CCDC97: variants seen among roughly 807,000 people sequenced by gnomAD.
The protein encoded by CCDC97 is coiled-coil domain containing 97.
A neutral mutation model predicts 33.9 loss-of-function variants in CCDC97; 27 were observed. The ratio of observed to expected loss-of-function variants is 0.80; its 90% CI spans 0.59 to 1.10. The LOEUF is 1.10. CCDC97 is among the 50% of genes least tolerant of loss of function. The pLI is 0.00. For missense variants in CCDC97, 422 were observed against 476.6 expected (o/e 0.89, Z 1.07); for synonymous variants, 217 against 194.0 (o/e 1.12, Z -0.99).
At position 41,319,630 on chromosome 19, in the gene CCDC97, C is replaced by T. The variant is rs545573919; in HGVS notation, c.559C>T (p.Gln187Ter). ...MRFRAPLLYE[Q>*]YIGQYLTQEE... Reference sequence around the variant, plus strand: ...GTTCCGGGCCCCCCTGCTATATGAGCAGTACATCGGGCAGTATCTCACCCA... The same window carrying T: ...GTTCCGGGCCCCCCTGCTATATGAGTAGTACATCGGGCAGTATCTCACCCA... The change falls in exon 3 of 5, where the codon CAG becomes TAG. Residue 187 changes from glutamine to a stop codon, truncating the protein, a stop_gained. Coordinates refer to ENST00000269967, the MANE Select transcript of CCDC97 (RefSeq NM_052848.3). LOFTEE classifies it high-confidence loss of function. 6.2e-7 allele frequency: 1 copy of T among 1,613,886 alleles called. No individual in the cohort carries two copies. The highest frequency in any genetic ancestry group is 1.3e-5 in the African/African-American group (1 of 75,040).
At position 41,319,624 on chromosome 19, in the gene CCDC97, T is replaced by C; in HGVS notation, c.553T>C (p.Tyr185His). ...EQMRFRAPLL[Y>H]EQYIGQYLTQ... ...GATGCGGTTCCGGGCCCCCCTGCTA[T>C]ATGAGCAGTACATCGGGCAGTATCT... Residue 185 changes from tyrosine to histidine, a missense_variant, in exon 3 of 5, where the codon TAT (tyrosine) becomes CAT (histidine). Transcript: ENST00000269967. The C allele has an allele frequency of 1.2e-6, 2 of 1,613,610 alleles. No homozygotes were observed. Among genetic ancestry groups the C allele is most frequent in the East Asian group, 2.2e-5 (1 of 44,870 alleles).
chr19:41,315,892 G>A (rs1459332236), intron 1 of CCDC97, among the ~76,000 whole-genome samples: 1 of 152,086 alleles, frequency 6.6e-6, no homozygotes, highest in Admixed American at 6.5e-5. Context: ...CCTGGAGTTC[G>A]AGACCAGCCT....
At chr19:41,317,710 C>CA (rs1225911815) in intron 2 of CCDC97, among the ~76,000 whole-genome samples, 6,657 of 67,336 alleles carry the variant, frequency 0.099, 559 homozygotes, top group African/African-American at 0.27. Flanking sequence ...GATCTTGTCT[C>CA]AAAAAAAAAA....
At chr19:41,320,303 G>C (rs201237530) in intron 3 of CCDC97, 38 bp from the exon 4 acceptor site, 425 of 1,611,404 alleles carry the variant, frequency 2.6e-4, no homozygotes, top group Non-Finnish European at 3.2e-4. Context: ...CTGCCCGAGT[G>C]CACCCGCATT....
chr19:41,320,258 G>C lies in CCDC97; in HGVS notation c.782-83G>C, dbSNP rs2037806212. On this transcript the variant is annotated intron_variant, in intron 3 of 4. Coordinates refer to ENST00000269967, the MANE Select transcript of CCDC97 (RefSeq NM_052848.3). ...CCACCCAGCGCAAGGCTGGGCACAG[G>C]AGCAGCAGCTCTCTGTGGACTCTGT... 4 of 1,562,236 alleles carry C rather than the reference G, an allele frequency of 2.6e-6. No individual in the cohort carries two copies. In the Admixed American group the frequency reaches 5.1e-5, roughly 20 times the overall value.
chr19:41,316,333 G>C (rs1418408971), intron 1 of CCDC97, 51 bp from the exon 2 acceptor site: 2 of 1,449,866 alleles, frequency 1.4e-6, no homozygotes, highest in Non-Finnish European at 1.9e-6. Context: ...TAAGCCCCCA[G>C]TCCCTTCCCA....
chr19:41,316,499 C>T lies in CCDC97; in HGVS notation c.162C>T (p.Asp54=). The change falls in exon 2 of 5, where the codon GAC becomes GAT. Residue 54 remains aspartate (D), a synonymous_variant. Transcript: ENST00000269967. ...AEATPVALDS[D]TSGAENAAVS... is the part of the protein sequence containing the mutation. ...CAACACCAGTGGCCCTGGACAGTGACACCTCCGGGGCTGAAAATGCAGCAG... is the reference window on the plus strand; with the variant it reads ...CAACACCAGTGGCCCTGGACAGTGATACCTCCGGGGCTGAAAATGCAGCAG... 1 of 1,614,200 alleles carries T rather than the reference C, an allele frequency of 6.2e-7. No homozygotes were observed. The highest frequency in any genetic ancestry group is 8.5e-7 in the Non-Finnish European group (1 of 1,179,988).
In CCDC97 at chr19:41,319,771, C is replaced by T. The variant is rs781660733; in HGVS notation, c.700C>T (p.Gln234Ter). ...LLQSYEERELQQRLLQQQEEE... is the reference protein window; with the variant it reads ...LLQSYEEREL ...CCAGTCCTACGAGGAGCGGGAGCTA[C>T]AGCAGCGTCTGCTCCAACAGCAGGA... The change falls in exon 3 of 5, where the codon CAG becomes TAG. Residue 234 changes from glutamine (Q) to a stop codon, truncating the protein, a stop_gained. Coordinates refer to ENST00000269967, the MANE Select transcript of CCDC97 (RefSeq NM_052848.3). LOFTEE classifies it high-confidence loss of function. 2 of 1,613,304 alleles carry T rather than the reference C, an allele frequency of 1.2e-6. No homozygotes were observed. Among genetic ancestry groups the T allele is most frequent in the Non-Finnish European group, 1.7e-6 (2 of 1,179,730 alleles).
In CCDC97 at chr19:41,315,267, A is replaced by G. The variant is rs188378468; in HGVS notation, c.47-1117A>G. ...AATCAAGATTGCTCCACTGCACTCC[A>G]GCCTGGGCGAAAGAGCGAGACTCCG... On this transcript the variant is annotated intron_variant, in intron 1 of 4. Transcript: ENST00000269967. Among the ~76,000 whole-genome samples the G allele has an allele frequency of 1.6e-3, 217 of 136,604 alleles. 1 individual carries two copies. Among genetic ancestry groups the G allele is most frequent in the African/African-American group, 5.6e-3 (201 of 35,682 alleles). The allele number at this position is 136,604 out of a possible 152,430, so 89.6% of individuals were successfully genotyped here.
At chr19:41,317,495 G>A (rs1280434166) in intron 2 of CCDC97, among the ~76,000 whole-genome samples, 3 of 151,988 alleles carry the variant, frequency 2.0e-5, no homozygotes, top group Admixed American at 6.6e-5. Flanking sequence ...GGTCAAGGTG[G>A]GTAGATTACT....
At position 41,320,363 on chromosome 19, in the gene CCDC97, G is replaced by A. The variant is rs769409407; in HGVS notation, c.804G>A (p.Ser268=). 6.2e-6 allele frequency: 10 copies of A among 1,614,036 alleles called. No individual in the cohort carries two copies. Among genetic ancestry groups the A allele is most frequent in the African/African-American group, 4.0e-5 (3 of 75,028 alleles). The change falls in exon 4 of 5, where the codon TCG becomes TCA. Residue 268 remains serine (S), a synonymous_variant. Transcript: ENST00000269967. The part of the protein sequence containing the change: ...DEEDQRSGKD[S]EAWVPDSEER... ...CAGACCAGAGGTCAGGCAAGGACTC[G>A]GAGGCCTGGGTTCCCGACTCGGAGG...
At chr19:41,313,239 T>A (rs570045945) in intron 1 of CCDC97, among the ~76,000 whole-genome samples, 2 of 152,288 alleles carry the variant, frequency 1.3e-5, no homozygotes, top group Non-Finnish European at 2.9e-5. Context: ...CCCCAGTCCC[T>A]ACCTCTCATT....
At chr19:41,316,954 T>C (rs967485215) in intron 2 of CCDC97, 115 bp downstream of exon 2, 33 of 820,448 alleles carry the variant, frequency 4.0e-5, no homozygotes, top group Middle Eastern at 3.6e-4. Context: ...GGAGAGAAGT[T>C]CTGAGACAGA....
chr19:41,314,101 G>C (rs1023572940), intron 1 of CCDC97, among the ~76,000 whole-genome samples: 7 of 152,042 alleles, frequency 4.6e-5, no homozygotes, highest in Non-Finnish European at 8.8e-5. Context: ...TTCATCCTAT[G>C]GATCCTCAGC....
chr19:41,315,585 G>C (rs1372183004), intron 1 of CCDC97, among the ~76,000 whole-genome samples: 2 of 151,716 alleles, frequency 1.3e-5, no homozygotes, highest in African/African-American at 4.8e-5. Flanking sequence ...ACTCCAGCCT[G>C]GGCAACAAGA....
Position 41,310,351 on chromosome 19 carries a change from A to G in CCDC97, c.41A>G (p.Asp14Gly), listed in dbSNP as rs2037666933. ...VATATAAKEPDKGCIEPGPGH... is the reference protein window; with the variant it reads ...VATATAAKEPGKGCIEPGPGH... ...ACGGCGACGGCGGCGAAGGAACCCG[A>G]TAAGGGTGAGATCTTGGTCACGCGC... The change falls in exon 1 of 5, where the codon GAT (aspartate) becomes GGT (glycine). Residue 14 changes from aspartate to glycine, a missense_variant. Coordinates refer to ENST00000269967, the MANE Select transcript of CCDC97 (RefSeq NM_052848.3). 10 of 1,605,878 alleles carry G rather than the reference A, an allele frequency of 6.2e-6. No individual in the cohort carries two copies. The highest frequency in any genetic ancestry group is 8.5e-6 in the Non-Finnish European group (10 of 1,176,752).
chr19:41,320,351 A>G lies in CCDC97; in HGVS notation c.792A>G (p.Ser264=). 6.2e-7 allele frequency: 1 copy of G among 1,613,932 alleles called. No homozygotes were observed. The highest frequency in any genetic ancestry group is 1.7e-4 in the Middle Eastern group (1 of 5,972). ...CCTCTCCCTCTGCAGACCAGAGGTCAGGCAAGGACTCGGAGGCCTGGGTTC... is the reference window on the plus strand; with the variant it reads ...CCTCTCCCTCTGCAGACCAGAGGTCGGGCAAGGACTCGGAGGCCTGGGTTC... The part of the protein sequence containing the change: ...EEDSDEEDQR[S]GKDSEAWVPD... The change falls in exon 4 of 5, where the codon TCA becomes TCG. Residue 264 remains serine, a synonymous_variant. Transcript: ENST00000269967.
chr19:41,316,813 A>G lies in CCDC97; in HGVS notation c.476A>G (p.Tyr159Cys), dbSNP rs748275409. 1 of 1,593,144 alleles carries G rather than the reference A, an allele frequency of 6.3e-7. No individual in the cohort carries two copies. The highest frequency in any genetic ancestry group is 8.6e-7 in the Non-Finnish European group (1 of 1,163,692). Residue 159 changes from tyrosine to cysteine, a missense_variant, in exon 2 of 5, where the codon TAT (tyrosine) becomes TGT (cysteine). Transcript: ENST00000269967. ...CGTACCCGCCTGCGTAACCGGCGCT[A>G]TGCTGCCCTGCGAGAGCTGATCCAA... ...TLRTRLRNRRYAALRELIQGG... is the reference protein window; with the variant it reads ...TLRTRLRNRRCAALRELIQGG...
At chr19:41,316,277 C>A in intron 1 of CCDC97, 107 bp from the exon 2 acceptor site, 2 of 848,754 alleles carry the variant, frequency 2.4e-6, no homozygotes, top group Non-Finnish European at 3.7e-6. Context: ...CAGAACAGTG[C>A]CCAGAATATA....
Sources: allele counts gnomAD v4.1 joint callset (sites outside exome capture counted in the v4.1 genomes callset), GRCh38; gene constraint gnomAD v4.1.1; transcripts MANE v1.5; gene names NCBI Gene and HGNC (gene_info 2026-07-23, HGNC 2026-07-21).